The following TEX264 variants were observed in gnomAD, a reference collection of about 807,000 sequenced individuals.
TEX264 encodes the protein testis-expressed protein 264.
TEX264 carries 13 observed loss-of-function variants against 23.4 expected under a neutral mutation model. The ratio of observed to expected loss-of-function variants is 0.56; its 90% CI spans 0.36 to 0.88. The LOEUF is 0.88. TEX264 is among the 40% of genes least tolerant of loss of function. The pLI is 0.01. For synonymous variants in TEX264, 159 were observed against 170.0 expected (o/e 0.94, Z 0.50); for missense variants, 340 against 406.8 (o/e 0.84, Z 1.41).
chr3:51,690,502 G>A (rs1702788856), intron 3 of TEX264, among the ~76,000 whole-genome samples: 1 of 149,762 alleles, frequency 6.7e-6, no homozygotes, highest in Admixed American at 6.7e-5. Context: ...ACTGCCCAGT[G>A]AGCTGAGATC....
rs375133563 is a variant in TEX264 at position 51,703,808 on chromosome 3, C to T, written c.734C>T (p.Pro245Leu). ...GAGACTTCAGCTGCCACACTGTCACCTGGGGCGAGCAGCCGTGGCTGGGAT... is the reference window on the plus strand; with the variant it reads ...GAGACTTCAGCTGCCACACTGTCACTTGGGGCGAGCAGCCGTGGCTGGGAT... ...SRETSAATLS[P>L]GASSRGWDDG... is the part of the protein sequence containing the mutation. Residue 245 changes from proline (P) to leucine (L), a missense_variant, in exon 5 of 5, where the codon CCT becomes CTT. Physicochemically the swap from Pro to Leu is moderately conservative, Grantham distance 98 (BLOSUM62 -3). Coordinates refer to ENST00000341333, the MANE Select transcript of TEX264 (RefSeq NM_015926.6). The surrounding 1 kb of genome is among the most constrained non-coding windows in gnomAD (Gnocchi z 4.8). 1.2e-6 allele frequency: 2 copies of T among 1,612,164 alleles called. No individual in the cohort carries two copies. Among genetic ancestry groups the T allele is most frequent in the South Asian group, 1.1e-5 (1 of 91,044 alleles).
chr3:51,676,799 AGAGGTCAGACT>A (rs1420624298), intron 2 of TEX264, among the ~76,000 whole-genome samples: 2 of 152,230 alleles, frequency 1.3e-5, no homozygotes, highest in Non-Finnish European at 2.9e-5. Flanking sequence ...ACATATGCTG[AGAGGTCAGACT>A]GAGCAAACCT....
intron 2 of TEX264, among the ~76,000 whole-genome samples, chr3:51,676,171 T>C (rs547198751): frequency 6.6e-6 from 1 of 152,196 alleles, no homozygotes; most frequent in East Asian, 1.9e-4. Flanking sequence ...AAGGGCTCCG[T>C]TGTGTAAGGC....
In TEX264 at chr3:51,703,720, A is replaced by G. The variant is rs1202829971; in HGVS notation, c.650-4A>G. On this transcript the variant is annotated splice_polypyrimidine_tract_variant and splice_region_variant and intron_variant, in intron 4 of 4. Transcript: ENST00000341333. This position sits in a 1 kb window ranked among gnomAD's most constrained non-coding sequence, Gnocchi z 4.8. ...TAACCTGTGCTCCCTTTTCCTGGTC[A>G]TAGGAGCTGACACAATGAGTGACAC... The G allele has an allele frequency of 6.3e-7, 1 of 1,578,790 alleles. No individual in the cohort carries two copies. The highest frequency in any genetic ancestry group is 1.1e-5 in the South Asian group (1 of 87,478).
intron 4 of TEX264, among the ~76,000 whole-genome samples, chr3:51,702,538 A>G (rs547708239): frequency 1.3e-5 from 2 of 152,316 alleles, no homozygotes; most frequent in African/African-American, 4.8e-5. Context: ...GGCTCAAGGA[A>G]AGCCCCAGGC....
In TEX264 at chr3:51,703,736, T is replaced by G; in HGVS notation, c.662T>G (p.Met221Arg). The G allele has an allele frequency of 6.3e-7, 1 of 1,588,438 alleles. No homozygotes were observed. The highest frequency in any genetic ancestry group is 8.6e-7 in the Non-Finnish European group (1 of 1,161,078). The change falls in exon 5 of 5, where the codon ATG (methionine) becomes AGG (arginine). Residue 221 changes from methionine (M) to arginine (R), a missense_variant. Physicochemically the swap from Met to Arg is moderately conservative, Grantham distance 91. Coordinates refer to ENST00000341333, the MANE Select transcript of TEX264 (RefSeq NM_015926.6). The surrounding 1 kb of genome is among the most constrained non-coding windows in gnomAD (Gnocchi z 4.8). ...TTCCTGGTCATAGGAGCTGACACAA[T>G]GAGTGACACGAGTTCTGTAAGCTTG... ...TQVDGTGADTMSDTSSVSLEV... is the reference protein window; with the variant it reads ...TQVDGTGADTRSDTSSVSLEV...
rs942825005 is a variant in TEX264, at chr3:51,703,214, G to A, written c.650-510G>A. Among the ~76,000 whole-genome samples the A allele has an allele frequency of 1.3e-4, 20 of 152,218 alleles. No homozygotes were observed. Among genetic ancestry groups the A allele is most frequent in the Non-Finnish European group, 2.5e-4 (17 of 68,032 alleles). On this transcript the variant is annotated intron_variant, in intron 4 of 4. Transcript: ENST00000341333. This position sits in a 1 kb window ranked among gnomAD's most constrained non-coding sequence, Gnocchi z 4.8. ...GATGCTGCTCCTGGGAGCCCTGCAC[G>A]GGGGAGGGCTGCAGAGGGGCCTCCT...
chr3:51,699,427 C>A lies in TEX264; in HGVS notation c.502C>A (p.Pro168Thr). Residue 168 changes from proline to threonine, a missense_variant, in exon 4 of 5, where the codon CCT becomes ACT. Coordinates refer to ENST00000341333, the MANE Select transcript of TEX264 (RefSeq NM_015926.6). ...YIKERKLCAY[P>T]RLEIYQEDQI... Reference sequence around the variant, plus strand: ...CTAGGAGCGGAAGCTGTGTGCCTATCCTCGGCTGGAGATCTACCAGGAAGA... The same window carrying A: ...CTAGGAGCGGAAGCTGTGTGCCTATACTCGGCTGGAGATCTACCAGGAAGA... 6.2e-7 allele frequency: 1 copy of A among 1,613,924 alleles called. No homozygotes were observed. Among genetic ancestry groups the A allele is most frequent in the Non-Finnish European group, 8.5e-7 (1 of 1,179,854 alleles).
chr3:51,690,085 C>T lies in TEX264; in HGVS notation c.480+5451C>T, dbSNP rs1467631233. On this transcript the variant is annotated intron_variant, in intron 3 of 4. Transcript: ENST00000341333. ...TGTGAGGAAGCTCGAAACAGCCTGGCCACAGCCTGTGTTCTGTCCAGTGGG... is the reference window on the plus strand; with the variant it reads ...TGTGAGGAAGCTCGAAACAGCCTGGTCACAGCCTGTGTTCTGTCCAGTGGG... Among the ~76,000 whole-genome samples, 5 of 152,198 alleles carry T rather than the reference C, an allele frequency of 3.3e-5. No individual in the cohort carries two copies. The East Asian group carries it at 9.6e-4, about 29-fold the overall frequency.
chr3:51,680,033 C>T (rs1702368051), intron 2 of TEX264, among the ~76,000 whole-genome samples: 1 of 152,176 alleles, frequency 6.6e-6, no homozygotes, highest in Non-Finnish European at 1.5e-5. Context: ...CGTCTATTCC[C>T]TTGGGAGTAC....
At chr3:51,679,273 G>A (rs992843516) in intron 2 of TEX264, among the ~76,000 whole-genome samples, 1 of 152,110 alleles carries the variant, frequency 6.6e-6, no homozygotes, top group African/African-American at 2.4e-5. Flanking sequence ...ATAATGATAT[G>A]GCCCAATACC....
At chr3:51,677,461 G>A (rs1702270043) in intron 2 of TEX264, among the ~76,000 whole-genome samples, 2 of 152,198 alleles carry the variant, frequency 1.3e-5, no homozygotes, top group African/African-American at 4.8e-5. Flanking sequence ...CCCCCACTGT[G>A]TCCTTCCCTA....
intron 3 of TEX264, among the ~76,000 whole-genome samples, chr3:51,696,541 G>C (rs1439194196): frequency 6.6e-6 from 1 of 152,216 alleles, no homozygotes; most frequent in African/African-American, 2.4e-5. Context: ...GGGAGGGAAA[G>C]GGCTTGTCCT....
chr3:51,704,088 C>T lies in TEX264; in HGVS notation c.*72C>T, dbSNP rs1703437468. Reference sequence around the variant, plus strand: ...AGACTCTCCAGCAGACTCTCCAGCCCTCTTCCTCCTTCCTCTGGGGGAGGA... The same window carrying T: ...AGACTCTCCAGCAGACTCTCCAGCCTTCTTCCTCCTTCCTCTGGGGGAGGA... On this transcript the variant is annotated 3_prime_UTR_variant, in exon 5 of 5. Transcript: ENST00000341333. The T allele has an allele frequency of 7.8e-7, 1 of 1,283,778 alleles. No individual in the cohort carries two copies. The highest frequency in any genetic ancestry group is 3.2e-5 in the Admixed American group (1 of 31,452). 79.5% of individuals were successfully genotyped at this position (1,283,778 alleles called of 1,614,324 possible).
At chr3:51,695,521 C>T (rs1055396202) in intron 3 of TEX264, among the ~76,000 whole-genome samples, 1 of 152,208 alleles carries the variant, frequency 6.6e-6, no homozygotes, top group African/African-American at 2.4e-5. Flanking sequence ...GAGGATAGTT[C>T]AGGTCCAGGT....
intron 3 of TEX264, among the ~76,000 whole-genome samples, chr3:51,698,178 C>T (rs149735724): frequency 1.3e-5 from 2 of 152,206 alleles, no homozygotes; most frequent in African/African-American, 2.4e-5. Context: ...CTTTATCATC[C>T]GTGGGCTTGC....
chr3:51,688,973 G>GA (rs1009920508), intron 3 of TEX264, among the ~76,000 whole-genome samples: 3 of 151,550 alleles, frequency 2.0e-5, no homozygotes, highest in Admixed American at 6.6e-5. Context: ...AAAAAAAACA[G>GA]AAAAAAAATT....
chr3:51,678,421 G>A (rs1702306851), intron 2 of TEX264, among the ~76,000 whole-genome samples: 1 of 152,232 alleles, frequency 6.6e-6, no homozygotes, highest in Non-Finnish European at 1.5e-5. Flanking sequence ...CATCACCTCT[G>A]CTGCTATGTT....
intron 1 of TEX264, chr3:51,672,427 G>A (rs1336156400): frequency 6.6e-6 from 1 of 152,288 alleles, no homozygotes; most frequent in Non-Finnish European, 1.5e-5. Context: ...TTTCTGAGCA[G>A]TTTGGGAAGT....
Sources: allele counts gnomAD v4.1 joint callset (sites outside exome capture counted in the v4.1 genomes callset), GRCh38; gene constraint gnomAD v4.1.1; non-coding constraint Gnocchi (gnomAD v3.1); transcripts MANE v1.5; gene names NCBI Gene and HGNC (gene_info 2026-07-23, HGNC 2026-07-21).